Variants in METTL9 observed in about 807,000 individuals in gnomAD.
The protein encoded by METTL9 is protein-L-histidine N-pros-methyltransferase.
Under a neutral mutation model 36.0 loss-of-function variants are expected in METTL9, and 10 were observed. The observed-to-expected ratio is 0.28, with a 90% CI of 0.17 to 0.47. METTL9 has a LOEUF of 0.47. METTL9 is among the 20% of genes least tolerant of loss of function. METTL9 has a pLI of 0.99. For synonymous variants in METTL9, 175 were observed against 149.7 expected, an observed-to-expected ratio of 1.17 and a Z score of -1.23; for missense variants, 246 against 383.5, an observed-to-expected ratio of 0.64 and a Z score of 3.00.
intron 4 of METTL9, among the ~76,000 whole-genome samples, chr16:21,629,777 C>G (rs1965903859): frequency 6.6e-6 from 1 of 152,176 alleles, no homozygotes; most frequent in South Asian, 2.1e-4. Flanking sequence ...CTTTTATTCC[C>G]TTATCTGGCC....
intron 1 of METTL9, among the ~76,000 whole-genome samples, chr16:21,600,143 C>T (rs1314701107): frequency 6.6e-6 from 1 of 152,050 alleles, no homozygotes; most frequent in African/African-American, 2.4e-5. Context: ...GCCTCCCGGG[C>T]CCGATCGTGA....
At chr16:21,601,629 A>G (rs1597736207) in intron 1 of METTL9, among the ~76,000 whole-genome samples, 1 of 152,142 alleles carries the variant, frequency 6.6e-6, no homozygotes, top group African/African-American at 2.4e-5. Flanking sequence ...CCAGCAGAGG[A>G]TACTTTCTGA....
At chr16:21,617,075 G>A (rs1212997920) in intron 2 of METTL9, among the ~76,000 whole-genome samples, 1 of 152,058 alleles carries the variant, frequency 6.6e-6, no homozygotes, top group Non-Finnish European at 1.5e-5. Flanking sequence ...GTATCTGGAG[G>A]CATTTTCTTA....
At chr16:21,607,985 C>T (rs1965333396) in intron 1 of METTL9, among the ~76,000 whole-genome samples, 1 of 152,176 alleles carries the variant, frequency 6.6e-6, no homozygotes, top group African/African-American at 2.4e-5. Context: ...CCCATCTCTA[C>T]TAAAAATACA....
chr16:21,617,797 T>TTG, intron 2 of METTL9, 68 bp from the exon 3 acceptor site: 1 of 1,317,070 alleles, frequency 7.6e-7, no homozygotes, highest in Non-Finnish European at 1.1e-6. Flanking sequence ...TATATTCACT[T>TTG]TGTGTGTGTA....
At chr16:21,601,635 T>G (rs1023081800) in intron 1 of METTL9, among the ~76,000 whole-genome samples, 5 of 152,174 alleles carry the variant, frequency 3.3e-5, no homozygotes, top group African/African-American at 1.2e-4. Context: ...GAGGATACTT[T>G]CTGACTGTAC....
At chr16:21,610,502 T>C (rs1161330609) in intron 1 of METTL9, among the ~76,000 whole-genome samples, 3 of 152,272 alleles carry the variant, frequency 2.0e-5, no homozygotes, top group Non-Finnish European at 4.4e-5. Context: ...ACCTTTCTTT[T>C]TAAAGAGAAG....
chr16:21,608,888 C>T (rs944673651), intron 1 of METTL9, among the ~76,000 whole-genome samples: 15 of 152,180 alleles, frequency 9.9e-5, no homozygotes, highest in African/African-American at 3.6e-4. Context: ...CTTTAGCAGA[C>T]ACACTGGGTA....
intron 4 of METTL9, among the ~76,000 whole-genome samples, chr16:21,651,456 C>T (rs1436063307): frequency 6.6e-6 from 1 of 151,964 alleles, no homozygotes; most frequent in East Asian, 1.9e-4. Context: ...CAGGTGCCAT[C>T]ACGCCCAGCT....
intron 3 of METTL9, among the ~76,000 whole-genome samples, chr16:21,624,649 C>T (rs926471355): frequency 4.6e-5 from 7 of 151,732 alleles, no homozygotes; most frequent in Non-Finnish European, 7.4e-5. Flanking sequence ...ATCACTTGAA[C>T]CTGGGAGGCA....
At chr16:21,626,841 T>G (rs998639854) in intron 4 of METTL9, 5 of 671,248 alleles carry the variant, frequency 7.4e-6, no homozygotes, top group African/African-American at 2.0e-5. Flanking sequence ...TGATAGAACT[T>G]TAATGCTACT....
At chr16:21,609,187 T>C (rs1231558974) in intron 1 of METTL9, among the ~76,000 whole-genome samples, 2 of 152,136 alleles carry the variant, frequency 1.3e-5, no homozygotes, top group Non-Finnish European at 2.9e-5. Context: ...AGCAAGGCCT[T>C]GCAGAGTTTG....
At chr16:21,643,092 C>T (rs1284182903) in intron 4 of METTL9, 5 of 1,604,504 alleles carry the variant, frequency 3.1e-6, no homozygotes, top group Non-Finnish European at 1.7e-6. Flanking sequence ...GATTTGTTTC[C>T]ACATGTCTCT....
intron 1 of METTL9, among the ~76,000 whole-genome samples, chr16:21,605,412 C>T (rs1965258797): frequency 6.6e-6 from 1 of 151,436 alleles, no homozygotes; most frequent in African/African-American, 2.4e-5. Context: ...TCCTGAGTAG[C>T]TTCTAAATCT....
chr16:21,613,372 C>T (rs554102837), intron 2 of METTL9, among the ~76,000 whole-genome samples: 29 of 151,582 alleles, frequency 1.9e-4, no homozygotes, highest in Admixed American at 1.4e-3. Context: ...TTAGTAGAGA[C>T]GAGGTTTCTA....
intron 4 of METTL9, among the ~76,000 whole-genome samples, chr16:21,634,307 C>T (rs1966031685): frequency 6.6e-6 from 1 of 152,182 alleles, no homozygotes; most frequent in Admixed American, 6.5e-5. Context: ...CCCGGGCACC[C>T]TCAATCCTGT....
chr16:21,616,031 A>G (rs1348232349), intron 2 of METTL9, among the ~76,000 whole-genome samples: 2 of 152,162 alleles, frequency 1.3e-5, no homozygotes, highest in African/African-American at 2.4e-5. Context: ...TATGGCCTTA[A>G]TGGGAAAAGG....
chr16:21,611,799 G>C (rs1290043993), intron 1 of METTL9, among the ~76,000 whole-genome samples: 3 of 152,184 alleles, frequency 2.0e-5, no homozygotes, highest in Admixed American at 2.0e-4. Flanking sequence ...CGCTAAAGCT[G>C]ATGTACAGTC....
At chr16:21,644,399 T>A in intron 4 of METTL9, 1 of 1,603,600 alleles carries the variant, frequency 6.2e-7, no homozygotes, top group Non-Finnish European at 8.5e-7. Context: ...CTTAATTTCT[T>A]AATGACAAAA....
Sources: gnomAD v4.1 joint callset for allele counts (sites outside exome capture counted in the v4.1 genomes callset) on GRCh38, gnomAD v4.1.1 for gene constraint, MANE v1.5 for transcripts, NCBI Gene and HGNC (gene_info 2026-07-23, HGNC 2026-07-21) for gene names.